HYCC2: variants seen among roughly 807,000 people sequenced by gnomAD.
HYCC2 encodes hyccin 2.
the HYCC2 span, chr2:200,975,521 T>C: frequency 6.6e-6 from 1 of 152,110 alleles, no homozygotes; most frequent in Non-Finnish European, 1.5e-5. Flanking sequence ...TACTCTAAGC[T>C]ACACCTAATT....
At chr2:200,974,447 A>T in the HYCC2 span, 1 of 152,076 alleles carries the variant, frequency 6.6e-6, no homozygotes, top group East Asian at 1.9e-4. Context: ...AACTGAATGT[A>T]AAGCCAGAAT....
the HYCC2 span, among the ~76,000 whole-genome samples, chr2:201,012,952 T>TAC: frequency 0.027 from 3,919 of 146,378 alleles, 52 homozygotes; most frequent in East Asian, 0.056. Context: ...TTTCAAAAAA[T>TAC]ACACACACAC....
the HYCC2 span, among the ~76,000 whole-genome samples, chr2:201,038,147 C>G: frequency 6.6e-6 from 1 of 152,200 alleles, no homozygotes; most frequent in African/African-American, 2.4e-5. Context: ...AAAAAATGCT[C>G]ATCATCACTG....
chr2:201,050,244 C>CA, the HYCC2 span, among the ~76,000 whole-genome samples: 2 of 146,408 alleles, frequency 1.4e-5, no homozygotes, highest in Non-Finnish European at 3.0e-5. Flanking sequence ...CCAAAACAAA[C>CA]AAAAAAAACC....
the HYCC2 span, among the ~76,000 whole-genome samples, chr2:201,045,968 TAC>T: frequency 4.6e-5 from 7 of 152,202 alleles, no homozygotes; most frequent in East Asian, 1.4e-3. Flanking sequence ...CTCTCTCTCA[TAC>T]ACAGACACAC....
At chr2:200,975,268 G>A in the HYCC2 span, 1 of 151,880 alleles carries the variant, frequency 6.6e-6, no homozygotes, top group African/African-American at 2.4e-5. Context: ...TCCTTAACAA[G>A]TACTTTAAAA....
the HYCC2 span, among the ~76,000 whole-genome samples, chr2:201,049,542 A>G: frequency 6.7e-6 from 1 of 149,252 alleles, no homozygotes; most frequent in East Asian, 2.0e-4. Context: ...TTTAGTAGAG[A>G]CGGGGTTTCA....
chr2:201,031,583 G>A, the HYCC2 span, among the ~76,000 whole-genome samples: 3 of 152,164 alleles, frequency 2.0e-5, no homozygotes, highest in South Asian at 2.1e-4. Context: ...CCTGGGAAGC[G>A]GAGGTTGCGG....
the HYCC2 span, chr2:200,987,465 A>T: frequency 7.8e-7 from 1 of 1,289,810 alleles, no homozygotes; most frequent in Non-Finnish European, 1.0e-6. Flanking sequence ...TCCCTAGGTC[A>T]GTGGAGCCGT....
the HYCC2 span, among the ~76,000 whole-genome samples, chr2:201,043,082 T>G: frequency 6.6e-6 from 1 of 152,206 alleles, no homozygotes; most frequent in Non-Finnish European, 1.5e-5. Context: ...CGTTCTGTAC[T>G]AGGAAAAATT....
chr2:201,056,269 T>C, the HYCC2 span, among the ~76,000 whole-genome samples: 1 of 152,168 alleles, frequency 6.6e-6, no homozygotes, highest in African/African-American at 2.4e-5. Flanking sequence ...AGAAATAACA[T>C]AAACCATATT....
the HYCC2 span, chr2:200,974,717 T>C: frequency 1.4e-4 from 22 of 152,128 alleles, 1 homozygote; most frequent in East Asian, 4.2e-3. Context: ...GTTTGGAACA[T>C]CAATATGCAA....
chr2:201,011,680 C>CCA, the HYCC2 span, among the ~76,000 whole-genome samples: 1 of 152,094 alleles, frequency 6.6e-6, no homozygotes, highest in Non-Finnish European at 1.5e-5. Flanking sequence ...TCCACAGAAT[C>CCA]CACAGAGAGA....
the HYCC2 span, among the ~76,000 whole-genome samples, chr2:201,011,193 A>G: frequency 6.6e-6 from 1 of 152,164 alleles, no homozygotes; most frequent in African/African-American, 2.4e-5. Context: ...AGAAGAATAA[A>G]AAAACAAAAG....
At chr2:201,008,282 T>C in the HYCC2 span, among the ~76,000 whole-genome samples, 1 of 152,208 alleles carries the variant, frequency 6.6e-6, no homozygotes, top group East Asian at 1.9e-4. Context: ...ATTGCAGTAC[T>C]AGAATATGAA....
the HYCC2 span, among the ~76,000 whole-genome samples, chr2:201,053,936 C>A: frequency 1.1e-3 from 163 of 152,250 alleles, 1 homozygote; most frequent in African/African-American, 3.7e-3. Context: ...TGTACTTGAT[C>A]CTGGATGACA....
the HYCC2 span, chr2:201,066,784 T>C: frequency 6.5e-6 from 1 of 153,446 alleles, no homozygotes; most frequent in Non-Finnish European, 1.5e-5. Flanking sequence ...GCTGAAAGGC[T>C]GAAAGTAGTC....
chr2:201,014,518 T>C, the HYCC2 span, among the ~76,000 whole-genome samples: 2 of 152,232 alleles, frequency 1.3e-5, 1 homozygote, highest in African/African-American at 4.8e-5. Flanking sequence ...TAACAATGTT[T>C]TCTTTTTTAT....
the HYCC2 span, among the ~76,000 whole-genome samples, chr2:201,008,079 C>A: frequency 6.6e-6 from 1 of 152,248 alleles, no homozygotes; most frequent in Non-Finnish European, 1.5e-5. Flanking sequence ...TCAGTGAATC[C>A]TGTGAGTCCT....
Sources: allele counts gnomAD v4.1 joint callset (sites outside exome capture counted in the v4.1 genomes callset), GRCh38; gene constraint gnomAD v4.1.1; transcripts MANE v1.5; gene names NCBI Gene and HGNC (gene_info 2026-07-23, HGNC 2026-07-21).